The following HK1 variants were observed in gnomAD, a reference collection of about 807,000 sequenced individuals.
HK1 encodes hexokinase 1.
HK1 carries 28 observed loss-of-function variants against 91.6 expected under a neutral mutation model. That is an observed-to-expected ratio of 0.31 (90% confidence interval 0.23 to 0.42). HK1 has a LOEUF of 0.42. Among genes scored for constraint, HK1 ranks in the 10% least tolerant of loss-of-function variants. HK1 has a pLI of 1.00. For missense variants in HK1, 770 were observed against 1,219.8 expected (o/e 0.63, Z 5.49); for synonymous variants, 430 against 468.1 (o/e 0.92, Z 1.05).
chr10:69,339,981 G>A (rs926790173), intron 1 of HK1, among the ~76,000 whole-genome samples: 1 of 152,174 alleles, frequency 6.6e-6, no homozygotes, highest in Non-Finnish European at 1.5e-5. Flanking sequence ...ATGACATACT[G>A]GATCTTGATA....
chr10:69,367,725 G>A (rs559342468), intron 4 of HK1, among the ~76,000 whole-genome samples: 78 of 152,056 alleles, frequency 5.1e-4, no homozygotes, highest in African/African-American at 1.5e-3. Context: ...GGCCTGGACC[G>A]TGAATCTTCC....
chr10:69,314,295 A>C (rs1846529860), upstream of HK1, among the ~76,000 whole-genome samples: 1 of 152,214 alleles, frequency 6.6e-6, no homozygotes, highest in African/African-American at 2.4e-5. Context: ...AACTGTTAGA[A>C]AGTGAAACTT....
intron 3 of HK1, among the ~76,000 whole-genome samples, chr10:69,289,784 T>C (rs1349726910): frequency 6.6e-6 from 1 of 151,222 alleles, no homozygotes; most frequent in African/African-American, 2.4e-5. Flanking sequence ...TTTTTTTTTT[T>C]TTTTTTTTTA....
chr10:69,316,061 G>A, upstream of HK1: 2 of 1,458,808 alleles, frequency 1.4e-6, no homozygotes, highest in African/African-American at 1.4e-5. Flanking sequence ...GGCCTTAGAT[G>A]AGAGGGGATG....
At chr10:69,313,317 C>T (rs751467295), upstream of HK1, among the ~76,000 whole-genome samples, 1 of 152,172 alleles carries the variant, frequency 6.6e-6, no homozygotes, top group African/African-American at 2.4e-5. Flanking sequence ...GGGGCGGTGG[C>T]TGCTCAGCTC....
At chr10:69,324,100 G>A (rs1847192739) in intron 1 of HK1, among the ~76,000 whole-genome samples, 1 of 152,116 alleles carries the variant, frequency 6.6e-6, no homozygotes, top group East Asian at 1.9e-4. Flanking sequence ...TTGAACTCCT[G>A]GGCTCAGGCA....
At chr10:69,357,322 G>A (rs1333625823) in intron 2 of HK1, among the ~76,000 whole-genome samples, 1 of 152,134 alleles carries the variant, frequency 6.6e-6, no homozygotes, top group Non-Finnish European at 1.5e-5. Context: ...TAAATAAAAT[G>A]TGTTATATCT....
intron 16 of HK1, among the ~76,000 whole-genome samples, chr10:69,397,685 T>C (rs1255637864): frequency 1.3e-5 from 2 of 152,204 alleles, no homozygotes; most frequent in African/African-American, 4.8e-5. Flanking sequence ...GTAATGTATG[T>C]AAAATATATG....
Position 69,302,187 on chromosome 10 carries a change from C to G in HK1, c.27+1326C>G, listed in dbSNP as rs371787370. Among the ~76,000 whole-genome samples, 76 of 150,894 alleles carry G rather than the reference C, an allele frequency of 5.0e-4. 1 individual carries two copies. In the South Asian group the frequency reaches 0.016, roughly 31 times the overall value. ...ACTTGAACCTGGGAGGCAGAGGTTG[C>G]GGTGAGCTGAGATCACACCATTGCA... is the stretch of plus-strand genomic sequence containing the variant. On this transcript the variant is annotated intron_variant, in intron 5 of 21. Coordinates refer to the HK1 transcript ENST00000360289.
At chr10:69,318,144 G>A (rs866453587), upstream of HK1, 3 of 985,350 alleles carry the variant, frequency 3.0e-6, no homozygotes, top group South Asian at 1.4e-4. Flanking sequence ...GTGCTCTGGG[G>A]TGTCGCTTTG....
chr10:69,324,595 A>T (rs1034705145), intron 1 of HK1, among the ~76,000 whole-genome samples: 4 of 151,702 alleles, frequency 2.6e-5, no homozygotes, highest in East Asian at 1.9e-4. Flanking sequence ...AATAATAATT[A>T]AAAAAAAATG....
chr10:69,312,545 C>A (rs562517915), upstream of HK1, among the ~76,000 whole-genome samples: 20 of 151,654 alleles, frequency 1.3e-4, no homozygotes, highest in African/African-American at 4.9e-4. Context: ...GGCCATATAG[C>A]CCTTTTTTTT....
chr10:69,388,991 C>T (rs1023089160), intron 13 of HK1, among the ~76,000 whole-genome samples: 3 of 151,460 alleles, frequency 2.0e-5, no homozygotes, highest in African/African-American at 7.4e-5. Flanking sequence ...ACTTTCCCTT[C>T]CTTAGATCTC....
intron 7 of HK1, among the ~76,000 whole-genome samples, chr10:69,376,548 G>A (rs1406901237): frequency 2.0e-5 from 3 of 152,088 alleles, no homozygotes; most frequent in African/African-American, 7.2e-5. Context: ...CATACATAAA[G>A]ATAAAAAATA....
intron 1 of HK1, among the ~76,000 whole-genome samples, chr10:69,273,219 T>C (rs1438040076): frequency 6.6e-6 from 1 of 151,730 alleles, no homozygotes; most frequent in Non-Finnish European, 1.5e-5. Flanking sequence ...TATTTATTTA[T>C]TCATTTATTT....
intron 4 of HK1, among the ~76,000 whole-genome samples, chr10:69,366,592 T>A (rs1375763328): frequency 6.6e-6 from 1 of 152,086 alleles, no homozygotes; most frequent in Non-Finnish European, 1.5e-5. Context: ...ACCTCCAACA[T>A]GTCTAAATGC....
chr10:69,285,675 G>A (rs1183608993), intron 2 of HK1, among the ~76,000 whole-genome samples: 2 of 152,184 alleles, frequency 1.3e-5, no homozygotes, highest in Non-Finnish European at 2.9e-5. Context: ...GGAGAGAGGG[G>A]CACAGTTCTG....
In HK1 at chr10:69,338,515, G is replaced by T; in HGVS notation, c.64-5312G>T. On this transcript the variant is annotated intron_variant, in intron 1 of 17. Coordinates refer to ENST00000359426, the MANE Select transcript of HK1 (RefSeq NM_000188.3). ...TCTGATAGATGGTCCACAGACCGAG[G>T]CTTGCAGTGGAAGCAGCTGGAAGTG... is the stretch of plus-strand genomic sequence containing the variant. 2.3e-6 allele frequency: 3 copies of T among 1,289,600 alleles called. No homozygotes were observed. In the South Asian group the frequency reaches 3.7e-5, roughly 16 times the overall value. The allele number at this position is 1,289,600 out of a possible 1,614,324, so 79.9% of individuals were successfully genotyped here.
chr10:69,367,012 T>G (rs1849738116), intron 4 of HK1, among the ~76,000 whole-genome samples: 1 of 152,218 alleles, frequency 6.6e-6, no homozygotes, highest in Non-Finnish European at 1.5e-5. Flanking sequence ...TACCGTACAG[T>G]AGGTCCCGTA....
Sources: allele counts gnomAD v4.1 joint callset (sites outside exome capture counted in the v4.1 genomes callset), GRCh38; gene constraint gnomAD v4.1.1; transcripts MANE v1.5; gene names NCBI Gene and HGNC (gene_info 2026-07-23, HGNC 2026-07-21).